PPP2CB: variants seen among roughly 807,000 people sequenced by gnomAD.
PPP2CB encodes the protein serine/threonine-protein phosphatase 2A catalytic subunit beta isoform.
In PPP2CB, 18 loss-of-function variants were observed where a neutral mutation model predicts 39.1. The observed-to-expected ratio is 0.46, with a 90% CI of 0.32 to 0.68. PPP2CB has a LOEUF of 0.68. Ranked by LOEUF, PPP2CB falls within the 30% of genes least tolerant of loss-of-function variation. PPP2CB has a pLI of 0.04. For missense variants in PPP2CB, 226 were observed against 396.9 expected (o/e 0.57, Z 3.66); for synonymous variants, 129 against 133.8 (o/e 0.96, Z 0.25).
chr8:30,791,932 A>G (rs540349643), intron 5 of PPP2CB, among the ~76,000 whole-genome samples: 1 of 151,204 alleles, frequency 6.6e-6, no homozygotes, highest in East Asian at 1.9e-4. Context: ...GTATATATGT[A>G]TGTATACATG....
chr8:30,788,341 G>A (rs183618840), intron 6 of PPP2CB, among the ~76,000 whole-genome samples: 1 of 151,274 alleles, frequency 6.6e-6, no homozygotes, highest in East Asian at 2.0e-4. Flanking sequence ...ATAGCTCATT[G>A]CAGCCTTGAT....
chr8:30,794,143 G>A (rs774665742), intron 4 of PPP2CB, 49 bp downstream of exon 4: 5 of 1,606,436 alleles, frequency 3.1e-6, no homozygotes, highest in Non-Finnish European at 4.2e-6. Context: ...TCCTCAAAAT[G>A]TGGTTATATT....
chr8:30,812,488 C>A lies in PPP2CB; in HGVS notation c.-67G>T. ...CGCCGCCCTCCCCCCTCCCCACCCG[C>A]CCCCGGCCCCGGCCCGGGCGCCGCT... On this transcript the variant is annotated 5_prime_UTR_variant, in exon 1 of 7. Transcript: ENST00000221138. The A allele has an allele frequency of 1.7e-6, 2 of 1,211,766 alleles. No individual in the cohort carries two copies. The highest frequency in any genetic ancestry group is 2.2e-6 in the Non-Finnish European group (2 of 907,514). The allele number at this position is 1,211,766 out of a possible 1,614,324, so 75.1% of individuals were successfully genotyped here.
intron 5 of PPP2CB, 171 bp from the exon 6 acceptor site, chr8:30,791,486 C>A: frequency 1.8e-6 from 1 of 553,350 alleles, no homozygotes; most frequent in South Asian, 2.5e-5. Context: ...GTAAAGAATA[C>A]TGTGCAATTC....
intron 3 of PPP2CB, 123 bp downstream of exon 3, chr8:30,797,458 G>T: frequency 1.0e-6 from 1 of 954,658 alleles, no homozygotes; most frequent in Non-Finnish European, 1.5e-6. Context: ...TATAAGGGAA[G>T]GAGGAGGAAA....
At chr8:30,803,226 A>T (rs1287257063) in intron 1 of PPP2CB, among the ~76,000 whole-genome samples, 7 of 152,084 alleles carry the variant, frequency 4.6e-5, no homozygotes, top group Non-Finnish European at 1.0e-4. Flanking sequence ...TTCTTGACAA[A>T]TACAGGTATT....
chr8:30,787,940 A>G (rs2128760018), intron 6 of PPP2CB, among the ~76,000 whole-genome samples: 1 of 152,288 alleles, frequency 6.6e-6, no homozygotes. Flanking sequence ...CTTTTTAGGA[A>G]TTAGTACGTT....
At chr8:30,811,553 G>A (rs1238319049) in intron 1 of PPP2CB, among the ~76,000 whole-genome samples, 5 of 148,440 alleles carry the variant, frequency 3.4e-5, no homozygotes, top group Admixed American at 2.0e-4. Flanking sequence ...GTGCAGTGGC[G>A]CGATCTCGAC....
rs917738274 is a variant in PPP2CB at position 30,810,482 on chromosome 8, A to G, written c.102+1838T>C. Among the ~76,000 whole-genome samples the G allele has an allele frequency of 2.0e-5, 3 of 152,186 alleles. No individual in the cohort carries two copies. In the East Asian group the frequency reaches 5.8e-4, roughly 29 times the overall value. On this transcript the variant is annotated intron_variant, in intron 1 of 6. Transcript: ENST00000221138. The stretch of plus-strand genomic sequence containing the variant: ...AAAATAAAACAAAAAAAGGAAGTCA[A>G]TGGGAAAAACTGATTCAACTAACAC...
At chr8:30,797,973 C>T (rs1021862364) in intron 2 of PPP2CB, among the ~76,000 whole-genome samples, 6 of 152,124 alleles carry the variant, frequency 3.9e-5, no homozygotes, top group Admixed American at 1.3e-4. Flanking sequence ...CATCAGGTTT[C>T]GACAACCCTC....
chr8:30,805,009 T>C (rs968949322), intron 1 of PPP2CB, among the ~76,000 whole-genome samples: 5 of 152,248 alleles, frequency 3.3e-5, no homozygotes, highest in Middle Eastern at 3.4e-3. Flanking sequence ...CACAGCTGAA[T>C]CTCTAGCACT....
intron 1 of PPP2CB, among the ~76,000 whole-genome samples, chr8:30,809,423 A>G (rs1355808370): frequency 6.6e-6 from 1 of 152,112 alleles, no homozygotes; most frequent in Non-Finnish European, 1.5e-5. Flanking sequence ...AAGGTCAGAA[A>G]ACATATATAT....
At chr8:30,793,690 A>T (rs10109293) in intron 5 of PPP2CB, 54,601 of 424,988 alleles carry the variant, frequency 0.13, 4,371 homozygotes, top group African/African-American at 0.29. Flanking sequence ...ACAGGGAATT[A>T]TGGGGTACTA....
chr8:30,786,143 C>T lies in PPP2CB; in HGVS notation c.*92G>A. ...CAGATCCCAATTTGTTACAGAAACA[C>T]ATAGATTACTGTTGCTTTTTGTTTT... On this transcript the variant is annotated 3_prime_UTR_variant, in exon 7 of 7. Coordinates refer to ENST00000221138, the MANE Select transcript of PPP2CB (RefSeq NM_001009552.2). 2 of 1,114,894 alleles carry T rather than the reference C, an allele frequency of 1.8e-6. No individual in the cohort carries two copies. Among genetic ancestry groups the T allele is most frequent in the Non-Finnish European group, 2.6e-6 (2 of 771,734 alleles). 69.1% of individuals were successfully genotyped at this position (1,114,894 alleles called of 1,614,324 possible).
At chr8:30,805,262 A>G (rs951574157) in intron 1 of PPP2CB, among the ~76,000 whole-genome samples, 5 of 152,174 alleles carry the variant, frequency 3.3e-5, no homozygotes, top group East Asian at 1.9e-4. Flanking sequence ...TTCCCTCTCT[A>G]TAAGATGGGA....
chr8:30,797,491 CA>C (rs1177829838), intron 3 of PPP2CB, 89 bp downstream of exon 3: 1 of 1,254,620 alleles, frequency 8.0e-7, no homozygotes, highest in Non-Finnish European at 1.1e-6. Context: ...TGCAGAAACA[CA>C]GGTCATATGA....
chr8:30,803,308 C>T (rs947978417), intron 1 of PPP2CB, among the ~76,000 whole-genome samples: 6 of 151,770 alleles, frequency 4.0e-5, no homozygotes, highest in Admixed American at 6.6e-5. Flanking sequence ...TTTTGGAGGC[C>T]GAGGCAGAAG....
chr8:30,786,648 TAATA>T (rs1245449988), intron 6 of PPP2CB, among the ~76,000 whole-genome samples: 1 of 698 alleles, frequency 1.4e-3, no homozygotes, highest in East Asian at 0.05. Flanking sequence ...TATTTAATAA[TAATA>T]ATAATATCAC....
intron 5 of PPP2CB, 141 bp from the exon 6 acceptor site, chr8:30,791,456 C>T (rs1806427169): frequency 4.7e-6 from 3 of 634,958 alleles, no homozygotes; most frequent in Non-Finnish European, 8.2e-6. Context: ...AGGTCTCCAT[C>T]TTTAATAGTT....
Sources: gnomAD v4.1 joint callset for allele counts (sites outside exome capture counted in the v4.1 genomes callset) on GRCh38, gnomAD v4.1.1 for gene constraint, MANE v1.5 for transcripts, NCBI Gene and HGNC (gene_info 2026-07-23, HGNC 2026-07-21) for gene names.